SFSWAP: variants seen among roughly 807,000 people sequenced by gnomAD.
SFSWAP encodes the protein splicing factor SWAP.
SFSWAP carries 17 observed loss-of-function variants against 100.7 expected under a neutral mutation model. The observed-to-expected ratio is 0.17, with a 90% CI of 0.12 to 0.25. SFSWAP has a LOEUF of 0.25. Ranked by LOEUF, SFSWAP falls within the 10% of genes least tolerant of loss-of-function variation. The pLI, the probability that SFSWAP is intolerant of heterozygous loss-of-function variation, is 1.00. For synonymous variants in SFSWAP, 504 were observed against 510.1 expected (o/e 0.99, Z 0.16); for missense variants, 1,005 against 1,262.6 (o/e 0.80, Z 3.09).
In SFSWAP at chr12:131,714,889, T is replaced by G; in HGVS notation, c.456T>G (p.Thr152=). 6.2e-7 allele frequency: 1 copy of G among 1,614,190 alleles called. No individual in the cohort carries two copies. Among genetic ancestry groups the G allele is most frequent in the African/African-American group, 1.3e-5 (1 of 75,048 alleles). Residue 152 remains threonine, a synonymous_variant, in exon 3 of 18, where the codon ACT becomes ACG. Transcript: ENST00000261674. This position sits in a 1 kb window ranked among gnomAD's most constrained non-coding sequence, Gnocchi z 6.0. ...EDGSYNAVGF[T]YGSDYYDPSE... ...GGAGCTACAATGCCGTGGGGTTCAC[T>G]TACGGTAGCGACTATTACGACCCGT...
At chr12:131,781,277 G>T (rs1401555710) in intron 14 of SFSWAP, among the ~76,000 whole-genome samples, 1 of 133,066 alleles carries the variant, frequency 7.5e-6, no homozygotes, top group Non-Finnish European at 1.5e-5. Flanking sequence ...TCTCGCTGTC[G>T]CCTAGGCTGG....
At chr12:131,750,406 T>C (rs548501382) in intron 7 of SFSWAP, among the ~76,000 whole-genome samples, 2 of 152,352 alleles carry the variant, frequency 1.3e-5, no homozygotes, top group East Asian at 3.9e-4. Flanking sequence ...GATTTTCAAA[T>C]TTGATTAAAA....
In SFSWAP at chr12:131,769,766, A is replaced by G. The variant is rs893992221; in HGVS notation, c.2142+3458A>G. ...CTCAGCCTCCCGAGTAGCTGGGACT[A>G]CAGGCACCCGCCACCACGCCCGGCT... On this transcript the variant is annotated intron_variant, in intron 13 of 17. Coordinates refer to ENST00000261674, the MANE Select transcript of SFSWAP (RefSeq NM_004592.4). Among the ~76,000 whole-genome samples, 5 of 152,270 alleles carry G rather than the reference A, an allele frequency of 3.3e-5. 1 individual carries two copies. In the East Asian group the frequency reaches 7.7e-4, roughly 24 times the overall value.
intron 3 of SFSWAP, among the ~76,000 whole-genome samples, chr12:131,716,983 T>C (rs1377410474): frequency 6.6e-6 from 1 of 152,224 alleles, no homozygotes; most frequent in African/African-American, 2.4e-5. Context: ...CTTTCTGTAA[T>C]CGTGTTCTCA....
intron 13 of SFSWAP, among the ~76,000 whole-genome samples, chr12:131,768,638 G>A (rs935444854): frequency 1.3e-5 from 2 of 152,162 alleles, no homozygotes; most frequent in East Asian, 1.9e-4. Flanking sequence ...ACCCGCTGTA[G>A]CCTCAGCTCC....
chr12:131,726,824 A>T, intron 5 of SFSWAP, 116 bp from the exon 6 acceptor site: 1 of 680,264 alleles, frequency 1.5e-6, no homozygotes. Flanking sequence ...AATTTCTAAA[A>T]GTGTTTTTTC....
At position 131,799,076 on chromosome 12, in the gene SFSWAP, A is replaced by G. The variant is rs745310407; in HGVS notation, c.2757A>G (p.Ala919=). The change falls in exon 17 of 18, where the codon GCA becomes GCG. Residue 919 remains alanine (A), a synonymous_variant. Transcript: ENST00000261674. Reference sequence around the variant, plus strand: ...AAAAAGAAGCCCAGATCTCTTCAGCAATCGTTTCTTCCGTGCAGAGCAAAA... The same window carrying G: ...AAAAAGAAGCCCAGATCTCTTCAGCGATCGTTTCTTCCGTGCAGAGCAAAA... ...SQEKEAQISS[A]IVSSVQSKIT... is the part of the protein sequence containing the mutation. 1 of 1,614,102 alleles carries G rather than the reference A, an allele frequency of 6.2e-7. No individual in the cohort carries two copies. Among genetic ancestry groups the G allele is most frequent in the South Asian group, 1.1e-5 (1 of 91,082 alleles).
intron 6 of SFSWAP, 49 bp from the exon 7 acceptor site, chr12:131,728,244 G>T: frequency 6.2e-7 from 1 of 1,608,412 alleles, no homozygotes; most frequent in Non-Finnish European, 8.5e-7. Context: ...GAAGAGTTCT[G>T]CATGGTTCAG....
chr12:131,726,781 T>G (rs1359949516), intron 5 of SFSWAP, among the ~76,000 whole-genome samples, 159 bp from the exon 6 acceptor site: 2 of 152,242 alleles, frequency 1.3e-5, no homozygotes, highest in Admixed American at 6.5e-5. Flanking sequence ...TTATCTGGCC[T>G]TCTTCTGGAC....
chr12:131,762,811 T>C (rs955271957), intron 11 of SFSWAP, among the ~76,000 whole-genome samples: 1 of 152,182 alleles, frequency 6.6e-6, no homozygotes, highest in Non-Finnish European at 1.5e-5. Context: ...GTGTTGGCCC[T>C]GCTGGTCTTG....
rs114789695 is a variant in SFSWAP, at chr12:131,765,251, A to G, written c.1951+565A>G. 6.8e-3 allele frequency among the ~76,000 whole-genome samples: 1,034 copies of G among 152,368 alleles called. 14 individuals are homozygous for G. Among genetic ancestry groups the G allele is most frequent in the African/African-American group, 0.024 (984 of 41,592 alleles). On this transcript the variant is annotated intron_variant, in intron 12 of 17. Coordinates refer to ENST00000261674, the MANE Select transcript of SFSWAP (RefSeq NM_004592.4). ...AATAAATTCTGCTCTGCATTAAAGC[A>G]GTCAAATAATGGTTGCTGCATTGTG...
chr12:131,789,097 C>G (rs563280096), intron 15 of SFSWAP, among the ~76,000 whole-genome samples: 33 of 152,324 alleles, frequency 2.2e-4, no homozygotes, highest in Admixed American at 9.8e-4. Flanking sequence ...CCTCCCACCT[C>G]AGCCTCCTGT....
chr12:131,737,629 G>A (rs148899578), intron 7 of SFSWAP, among the ~76,000 whole-genome samples: 7 of 152,194 alleles, frequency 4.6e-5, no homozygotes, highest in East Asian at 3.9e-4. Context: ...GCTGTGTCTC[G>A]TGGGAGGCTG....
intron 7 of SFSWAP, among the ~76,000 whole-genome samples, chr12:131,741,077 A>G (rs911264264): frequency 6.9e-6 from 1 of 144,892 alleles, no homozygotes; most frequent in Admixed American, 7.3e-5. Context: ...GGTTCAAGCA[A>G]TTCTCTGCCT....
chr12:131,725,334 T>A lies in SFSWAP; in HGVS notation c.607-71T>A. 3 of 1,281,474 alleles carry A rather than the reference T, an allele frequency of 2.3e-6. No homozygotes were observed. The highest frequency in any genetic ancestry group is 3.4e-6 in the Non-Finnish European group (3 of 879,744). The allele number at this position is 1,281,474 out of a possible 1,614,324, so 79.4% of individuals were successfully genotyped here. On this transcript the variant is annotated intron_variant, in intron 4 of 17. Transcript: ENST00000261674. This position sits in a 1 kb window ranked among gnomAD's most constrained non-coding sequence, Gnocchi z 4.3. ...CAGTAAAACCAGAGTCATTTCTATG[T>A]TTTAATGAAATCACGTGGCCGGTGG...
chr12:131,724,503 A>G (rs570850188), intron 4 of SFSWAP, among the ~76,000 whole-genome samples: 203 of 152,386 alleles, frequency 1.3e-3, no homozygotes, highest in Non-Finnish European at 1.4e-3. Context: ...AGCCATTTAT[A>G]TTTTATGAAG....
rs1882216226 is a variant in SFSWAP at position 131,756,795 on chromosome 12, C to G, written c.1720+151C>G. 10 of 665,702 alleles carry G rather than the reference C, an allele frequency of 1.5e-5. No individual in the cohort carries two copies. The South Asian group carries it at 1.9e-4, about 13-fold the overall frequency. The allele number at this position is 665,702 out of a possible 1,614,324, so 41.2% of individuals were successfully genotyped here. A position where few individuals can be genotyped will look rare whatever the true frequency, so the allele number is the denominator to read the frequency against. ...GTTGCTGTGGTGAAACCTCTGCCTT[C>G]CATGCTGTGTCATGCTTGCCTCGCG... On this transcript the variant is annotated intron_variant, in intron 11 of 17. Transcript: ENST00000261674.
chr12:131,716,700 A>G (rs1877949670), intron 3 of SFSWAP, among the ~76,000 whole-genome samples: 2 of 152,252 alleles, frequency 1.3e-5, no homozygotes, highest in South Asian at 4.1e-4. Flanking sequence ...CCACTTTCGC[A>G]CTTCAGCAAC....
At chr12:131,746,971 G>T (rs750655699) in intron 7 of SFSWAP, among the ~76,000 whole-genome samples, 2 of 152,118 alleles carry the variant, frequency 1.3e-5, no homozygotes, top group Admixed American at 1.3e-4. Context: ...GGGTGTGGTG[G>T]CGGGTGCCTG....
Sources: allele counts gnomAD v4.1 joint callset (sites outside exome capture counted in the v4.1 genomes callset), GRCh38; gene constraint gnomAD v4.1.1; non-coding constraint Gnocchi (gnomAD v3.1); transcripts MANE v1.5; gene names NCBI Gene and HGNC (gene_info 2026-07-23, HGNC 2026-07-21).